FRYL: variants seen among roughly 807,000 people sequenced by gnomAD.
FRYL encodes protein furry homolog-like.
FRYL carries 150 observed loss-of-function variants against 351.2 expected under a neutral mutation model. That is an observed-to-expected ratio of 0.43 (90% CI 0.37 to 0.49). The LOEUF (loss-of-function observed/expected upper bound fraction) is 0.49. Ranked by LOEUF, FRYL falls within the 20% of genes least tolerant of loss-of-function variation. The pLI, the probability that FRYL is intolerant of heterozygous loss-of-function variation, is 0.00. For synonymous variants in FRYL, 1,153 were observed against 1,257.1 expected (o/e 0.92, Z 1.75); for missense variants, 3,036 against 3,619.3 (o/e 0.84, Z 4.13).
rs1001121465 is a variant in FRYL, at chr4:48,582,686, A to C, written c.1797T>G (p.Thr599=). 6.2e-7 allele frequency: 1 copy of C among 1,614,048 alleles called. No individual in the cohort carries two copies. Among genetic ancestry groups the C allele is most frequent in the African/African-American group, 1.3e-5 (1 of 74,952 alleles). The stretch of plus-strand genomic sequence containing the variant: ...GAAAATCAAGCATTAGTGCCTGCAG[A>C]GTATTGAAAGCCAGAGCACGCAGTT... ...DEELRALAFN[T]LQALMLDFPD... Residue 599 remains threonine (T), a synonymous_variant, in exon 20 of 64, where the codon ACT becomes ACG. Transcript: ENST00000358350.
At chr4:48,679,948 AT>A (rs1001033894) in intron 3 of FRYL, among the ~76,000 whole-genome samples, 18 of 152,070 alleles carry the variant, frequency 1.2e-4, no homozygotes, top group African/African-American at 4.1e-4. Flanking sequence ...GTCATTCTAA[AT>A]GTTCCTCTAT....
chr4:48,605,697 C>G (rs1746648920), intron 11 of FRYL, 44 bp downstream of exon 11: 1 of 1,218,996 alleles, frequency 8.2e-7, no homozygotes, highest in Admixed American at 1.8e-5. Context: ...TGATAAGGTT[C>G]TTGTATAACA....
At chr4:48,577,968 T>C (rs568595096) in intron 23 of FRYL, among the ~76,000 whole-genome samples, 1 of 151,350 alleles carries the variant, frequency 6.6e-6, no homozygotes, top group South Asian at 2.1e-4. Context: ...CATGTATATG[T>C]AGAAATATAT....
Position 48,557,321 on chromosome 4 carries a change from C to T in FRYL, c.4125+132G>A, listed in dbSNP as rs575197214. The T allele has an allele frequency of 4.2e-5, 53 of 1,273,462 alleles. No individual in the cohort carries two copies. In the Middle Eastern group the frequency reaches 6.8e-4, roughly 16 times the overall value. The allele number at this position is 1,273,462 out of a possible 1,614,324, so 78.9% of individuals were successfully genotyped here. A position where few individuals can be genotyped will look rare whatever the true frequency, so the allele number is the denominator to read the frequency against. ...TGGTTTTAGTAAAAAAAATTCATATCTAATGAGTCTTTTTTAAAGAAAGAT... is the reference window on the plus strand; with the variant it reads ...TGGTTTTAGTAAAAAAAATTCATATTTAATGAGTCTTTTTTAAAGAAAGAT... On this transcript the variant is annotated intron_variant, in intron 34 of 63. Transcript: ENST00000358350.
intron 1 of FRYL, among the ~76,000 whole-genome samples, chr4:48,769,536 T>C (rs2109406879): frequency 6.6e-6 from 1 of 152,334 alleles, no homozygotes; most frequent in Non-Finnish European, 1.5e-5. Context: ...TAGTTTCTTA[T>C]AAAACTAAAC....
In FRYL at chr4:48,590,639, T is replaced by G; in HGVS notation, c.1507+20A>C. On this transcript the variant is annotated intron_variant, in intron 17 of 63. Transcript: ENST00000358350. ...ATGAAACTGTATTACAAAGCAACAT[T>G]TAATTTCAATTAAACTAACCTATGA... 1 of 1,530,184 alleles carries G rather than the reference T, an allele frequency of 6.5e-7. No homozygotes were observed. Among genetic ancestry groups the G allele is most frequent in the Non-Finnish European group, 8.9e-7 (1 of 1,118,488 alleles). 94.8% of individuals were successfully genotyped at this position (1,530,184 alleles called of 1,614,324 possible). A position where few individuals can be genotyped will look rare whatever the true frequency, so the allele number is the denominator to read the frequency against.
At position 48,557,133 on chromosome 4, in the gene FRYL, C is replaced by A. The variant is rs1265127433; in HGVS notation, c.4126-15G>T. 12 of 1,567,772 alleles carry A rather than the reference C, an allele frequency of 7.7e-6. No homozygotes were observed. Among genetic ancestry groups the A allele is most frequent in the Admixed American group, 1.7e-5 (1 of 58,434 alleles). ...TCATCGCCATACTAGATGCAATATG[C>A]ACAAAAGATACTTCAGTCATGACTG... is the stretch of plus-strand genomic sequence containing the variant. On this transcript the variant is annotated splice_polypyrimidine_tract_variant and intron_variant, in intron 34 of 63. Transcript: ENST00000358350.
chr4:48,575,312 A>G, intron 24 of FRYL, 71 bp from the exon 25 acceptor site: 3 of 1,494,956 alleles, frequency 2.0e-6, no homozygotes, highest in Non-Finnish European at 2.8e-6. Flanking sequence ...CTGAGATTTC[A>G]GTAGTCTTAT....
chr4:48,593,443 C>T (rs1351472897), intron 16 of FRYL, among the ~76,000 whole-genome samples: 1 of 152,060 alleles, frequency 6.6e-6, no homozygotes, highest in East Asian at 1.9e-4. Context: ...CTCCCAGGTT[C>T]AAGCGATTCT....
chr4:48,726,907 C>A (rs1770147762), intron 1 of FRYL, among the ~76,000 whole-genome samples: 2 of 152,134 alleles, frequency 1.3e-5, no homozygotes, highest in South Asian at 4.1e-4. Context: ...CATAAGCTAA[C>A]CTACCTTGAC....
chr4:48,678,614 A>G (rs1764151421), intron 3 of FRYL, among the ~76,000 whole-genome samples: 1 of 151,928 alleles, frequency 6.6e-6, no homozygotes, highest in Non-Finnish European at 1.5e-5. Context: ...TAAATTGCCA[A>G]ATAATTTCTT....
intron 27 of FRYL, among the ~76,000 whole-genome samples, chr4:48,568,809 T>C (rs1231022488): frequency 1.3e-5 from 2 of 152,182 alleles, no homozygotes; most frequent in East Asian, 1.9e-4. Flanking sequence ...TACTAGTGGA[T>C]AGGAAACTGA....
chr4:48,678,394 G>A (rs1301661986), intron 3 of FRYL, among the ~76,000 whole-genome samples: 1 of 150,860 alleles, frequency 6.6e-6, no homozygotes, highest in East Asian at 1.9e-4. Flanking sequence ...TGTAATCTCA[G>A]CTACTCAGGG....
chr4:48,576,244 T>C, intron 23 of FRYL, 22 bp from the exon 24 acceptor site: 2 of 1,531,226 alleles, frequency 1.3e-6, no homozygotes, highest in Non-Finnish European at 8.8e-7. Context: ...AAAAGAAAAA[T>C]AGGCAGATAT....
chr4:48,588,638 G>C (rs974758054), intron 18 of FRYL, among the ~76,000 whole-genome samples: 11 of 152,102 alleles, frequency 7.2e-5, no homozygotes. Context: ...GTAACTGTTT[G>C]GAAAACACCC....
At position 48,539,989 on chromosome 4, in the gene FRYL, T is replaced by A; in HGVS notation, c.6375A>T (p.Thr2125=). 1 of 1,612,182 alleles carries A rather than the reference T, an allele frequency of 6.2e-7. No individual in the cohort carries two copies. The highest frequency in any genetic ancestry group is 8.5e-7 in the Non-Finnish European group (1 of 1,178,592). The change falls in exon 47 of 64, where the codon ACA becomes ACT. Residue 2125 remains threonine (T), a synonymous_variant. Coordinates refer to ENST00000358350, the MANE Select transcript of FRYL (RefSeq NM_015030.2). ...FDSPTQFCKE[T]ASRIAKVCAE... ...TGCTTACCTTTGCTATTCGACTAGCTGTTTCTTTGCAAAACTGAGTTGGGC... is the reference window on the plus strand; with the variant it reads ...TGCTTACCTTTGCTATTCGACTAGCAGTTTCTTTGCAAAACTGAGTTGGGC...
At chr4:48,753,888 G>T (rs1433096034) in intron 1 of FRYL, among the ~76,000 whole-genome samples, 1 of 151,748 alleles carries the variant, frequency 6.6e-6, no homozygotes, top group Non-Finnish European at 1.5e-5. Flanking sequence ...AACAGATCCC[G>T]CATTTCCCCC....
At chr4:48,746,479 A>G (rs1046612756) in intron 1 of FRYL, among the ~76,000 whole-genome samples, 7 of 151,298 alleles carry the variant, frequency 4.6e-5, no homozygotes, top group South Asian at 2.1e-4. Flanking sequence ...CGGGAGGCGG[A>G]GCTTGCAGTG....
At position 48,567,213 on chromosome 4, in the gene FRYL, T is replaced by G; in HGVS notation, c.3169+35A>C. On this transcript the variant is annotated intron_variant, in intron 28 of 63. Transcript: ENST00000358350. The surrounding 1 kb of genome is among the most constrained non-coding windows in gnomAD (Gnocchi z 4.2). ...AAGAAAAAATATGACGGTTCCTTAA[T>G]ACTCAATAATGCTTTAAGAAACTGA... 6.5e-7 allele frequency: 1 copy of G among 1,535,110 alleles called. No homozygotes were observed. The highest frequency in any genetic ancestry group is 8.9e-7 in the Non-Finnish European group (1 of 1,129,704).
Sources: allele counts gnomAD v4.1 joint callset (sites outside exome capture counted in the v4.1 genomes callset), GRCh38; gene constraint gnomAD v4.1.1; non-coding constraint Gnocchi (gnomAD v3.1); transcripts MANE v1.5; gene names NCBI Gene and HGNC (gene_info 2026-07-23, HGNC 2026-07-21).